Variants in EAF2 observed in about 807,000 individuals in gnomAD.
The protein encoded by EAF2 is ELL-associated factor 2.
Under a neutral mutation model 29.4 loss-of-function variants are expected in EAF2, and 29 were observed. The observed-to-expected ratio is 0.99, with a 90% CI of 0.73 to 1.35. The LOEUF (loss-of-function observed/expected upper bound fraction) is 1.35, where lower values mean the gene tolerates loss of function less well. Among genes scored for constraint, EAF2 ranks in the 40% most tolerant of loss-of-function variants. The pLI is 0.00. For synonymous variants in EAF2, 103 were observed against 102.5 expected, an observed-to-expected ratio of 1.00 and a Z score of -0.03; for missense variants, 292 against 312.0, an observed-to-expected ratio of 0.94 and a Z score of 0.48.
intron 5 of EAF2, 57 bp downstream of exon 5, chr3:121,872,845 T>C: frequency 1.9e-6 from 3 of 1,567,092 alleles, no homozygotes; most frequent in Non-Finnish European, 2.6e-6. Flanking sequence ...TGGAGCCATA[T>C]TGATTGTGAC....
chr3:121,859,196 A>G (rs557473402), intron 4 of EAF2, among the ~76,000 whole-genome samples: 3 of 152,226 alleles, frequency 2.0e-5, no homozygotes, highest in East Asian at 1.9e-4. Flanking sequence ...TTTTTTTCCA[A>G]TTCTCTGAAG....
Position 121,842,772 on chromosome 3 carries a change from G to A in EAF2, c.107-1681G>A, listed in dbSNP as rs370106433. Among the ~76,000 whole-genome samples, 160 of 152,096 alleles carry A rather than the reference G, an allele frequency of 1.1e-3. 3 individuals carry two copies. In the South Asian group the frequency reaches 0.02, roughly 19 times the overall value. On this transcript the variant is annotated intron_variant, in intron 1 of 5. Coordinates refer to ENST00000273668, the MANE Select transcript of EAF2 (RefSeq NM_018456.6). ...CAATAGCACTGTCCTTTCAACAATT[G>A]ACATTATTTAAAACTTATTTCCCTC...
intron 1 of EAF2, among the ~76,000 whole-genome samples, chr3:121,841,504 C>CAAAAAAAAAAAAAAAAA (rs57868658): frequency 1.2e-3 from 30 of 25,986 alleles, no homozygotes; most frequent in Non-Finnish European, 1.7e-3. Flanking sequence ...GACCCTGTCT[C>CAAAAAAAAAAAAAAAAA]AAAAAAAAAA....
intron 5 of EAF2, among the ~76,000 whole-genome samples, chr3:121,877,220 T>C (rs1052276209): frequency 2.6e-5 from 4 of 151,336 alleles, no homozygotes; most frequent in Non-Finnish European, 4.4e-5. Context: ...TGTGTGTGCG[T>C]GTGTGTGTGT....
At chr3:121,846,735 A>G (rs1001468420) in intron 2 of EAF2, among the ~76,000 whole-genome samples, 2 of 151,654 alleles carry the variant, frequency 1.3e-5, no homozygotes, top group African/African-American at 4.8e-5. Context: ...TTTTTTGCCA[A>G]GTAGAATATT....
intron 1 of EAF2, among the ~76,000 whole-genome samples, chr3:121,841,274 C>T (rs1297567470): frequency 2.0e-5 from 3 of 151,808 alleles, no homozygotes; most frequent in Non-Finnish European, 4.4e-5. Flanking sequence ...GAGGCGGAGG[C>T]GGGCGTATCA....
chr3:121,872,783 C>T lies in EAF2; in HGVS notation c.731C>T (p.Thr244Ile). The T allele has an allele frequency of 6.2e-7, 1 of 1,608,612 alleles. No individual in the cohort carries two copies. Among genetic ancestry groups the T allele is most frequent in the East Asian group, 2.2e-5 (1 of 44,668 alleles). ...GACAACAGTGGCCTTCTGATGAATA[C>T]TTTAAGTAAGTATACATAAACACAG... ...FRDNSGLLMN[T>I]LRNDLQLSES... The change falls in exon 5 of 6, where the codon ACT becomes ATT. Residue 244 changes from threonine to isoleucine, a missense_variant. Transcript: ENST00000273668.
At chr3:121,880,937 C>T (rs911359057) in intron 5 of EAF2, among the ~76,000 whole-genome samples, 5 of 152,026 alleles carry the variant, frequency 3.3e-5, no homozygotes, top group East Asian at 1.9e-4. Context: ...TATCATAAAG[C>T]GATGTTGAAT....
At chr3:121,854,913 G>C in intron 3 of EAF2, 90 bp downstream of exon 3, 1 of 1,203,198 alleles carries the variant, frequency 8.3e-7, no homozygotes, top group Non-Finnish European at 1.1e-6. Flanking sequence ...TTATAATATA[G>C]GAGTTATTTC....
At chr3:121,857,504 GAA>G (rs200009284) in intron 4 of EAF2, among the ~76,000 whole-genome samples, 37 of 145,856 alleles carry the variant, frequency 2.5e-4, no homozygotes, top group African/African-American at 8.8e-4. Context: ...AAAAAAAAAA[GAA>G]AAAAAAATGC....
At chr3:121,853,765 A>G (rs918439441) in intron 2 of EAF2, among the ~76,000 whole-genome samples, 2 of 152,118 alleles carry the variant, frequency 1.3e-5, no homozygotes, top group African/African-American at 4.8e-5. Context: ...GGCAGGCTGG[A>G]TTACAGATTC....
intron 4 of EAF2, among the ~76,000 whole-genome samples, chr3:121,862,457 C>T (rs1012430910): frequency 6.6e-6 from 1 of 152,218 alleles, no homozygotes; most frequent in Non-Finnish European, 1.5e-5. Context: ...TCCACTTGAT[C>T]TAATTGGCTA....
chr3:121,846,620 A>AAAC (rs932222698), intron 2 of EAF2, among the ~76,000 whole-genome samples: 21 of 152,132 alleles, frequency 1.4e-4, no homozygotes, highest in Admixed American at 1.2e-3. Flanking sequence ...AAAAACAAAC[A>AAAC]AACAACAACA....
chr3:121,840,506 A>C (rs1708396150), intron 1 of EAF2, among the ~76,000 whole-genome samples: 1 of 64,064 alleles, frequency 1.6e-5, no homozygotes, highest in Non-Finnish European at 3.6e-5. Flanking sequence ...AAAAAAAAAA[A>C]AAGAAAAAAA....
rs1453962546 is a variant in EAF2, at chr3:121,845,063, A to G, written c.201+516A>G. ...GGGTAGACAAGGAGTAGAATAAGCAAACAGAACAGTATGTGAAAAGCTCTG... is the reference window on the plus strand; with the variant it reads ...GGGTAGACAAGGAGTAGAATAAGCAGACAGAACAGTATGTGAAAAGCTCTG... On this transcript the variant is annotated intron_variant, in intron 2 of 5. Coordinates refer to ENST00000273668, the MANE Select transcript of EAF2 (RefSeq NM_018456.6). 1.2e-4 allele frequency among the ~76,000 whole-genome samples: 15 copies of G among 122,534 alleles called. 1 individual carries two copies. The highest frequency in any genetic ancestry group is 9.9e-4 in the Admixed American group (13 of 13,168). The allele number at this position is 122,534 out of a possible 152,430, so 80.4% of individuals were successfully genotyped here.
chr3:121,866,734 AAAAAAAT>A (rs1373580290), intron 4 of EAF2, among the ~76,000 whole-genome samples: 4 of 152,004 alleles, frequency 2.6e-5, no homozygotes, highest in Non-Finnish European at 4.4e-5. Flanking sequence ...TAAAAAAATA[AAAAAAAT>A]AAAAAATAAA....
intron 5 of EAF2, among the ~76,000 whole-genome samples, chr3:121,878,392 T>G (rs1709137097): frequency 6.6e-6 from 1 of 152,156 alleles, no homozygotes; most frequent in Non-Finnish European, 1.5e-5. Flanking sequence ...CATTTGTCCT[T>G]TTTGGGGGGT....
chr3:121,850,825 T>C (rs998746593), intron 2 of EAF2, among the ~76,000 whole-genome samples: 2 of 151,636 alleles, frequency 1.3e-5, no homozygotes. Flanking sequence ...GCTTCCCAAG[T>C]AGCTGGGATT....
At chr3:121,849,188 C>T (rs191040778) in intron 2 of EAF2, among the ~76,000 whole-genome samples, 26 of 152,210 alleles carry the variant, frequency 1.7e-4, no homozygotes, top group Non-Finnish European at 3.4e-4. Context: ...CCTGGTATAA[C>T]TGCCTAGGAA....
Sources: allele counts gnomAD v4.1 joint callset (sites outside exome capture counted in the v4.1 genomes callset), GRCh38; gene constraint gnomAD v4.1.1; transcripts MANE v1.5; gene names NCBI Gene and HGNC (gene_info 2026-07-23, HGNC 2026-07-21).